TENM2: variants seen among roughly 807,000 people sequenced by gnomAD.
The protein encoded by TENM2 is teneurin transmembrane protein 2, also known as teneurin-2.
A neutral mutation model predicts 245.2 loss-of-function variants in TENM2; 52 were observed. The ratio of observed to expected loss-of-function variants is 0.21; its 90% CI spans 0.17 to 0.27. The LOEUF is 0.27. TENM2 is among the 10% of genes least tolerant of loss of function. The pLI, the probability that TENM2 is intolerant of heterozygous loss-of-function variation, is 1.00. For synonymous variants in TENM2, 1,363 were observed against 1,438.9 expected (o/e 0.95, Z 1.19); for missense variants, 3,046 against 3,666.8 (o/e 0.83, Z 4.37).
At chr5:167,469,777 G>A (rs889756888) in intron 2 of TENM2, among the ~76,000 whole-genome samples, 1 of 151,672 alleles carries the variant, frequency 6.6e-6, no homozygotes, top group African/African-American at 2.4e-5. Flanking sequence ...TTTTTTAGCT[G>A]TGTGTGTTTA....
At chr5:167,737,557 C>G (rs183011649) in intron 2 of TENM2, among the ~76,000 whole-genome samples, 1 of 152,134 alleles carries the variant, frequency 6.6e-6, no homozygotes. Flanking sequence ...AATGTGTACC[C>G]GCTGAGGGTC....
chr5:168,004,203 T>A (rs1206184092), intron 5 of TENM2, among the ~76,000 whole-genome samples: 1 of 152,180 alleles, frequency 6.6e-6, no homozygotes, highest in Middle Eastern at 3.2e-3. Context: ...TGTAAAAAAA[T>A]CTACATAAGG....
At chr5:168,148,932 A>G (rs1218378225) in intron 12 of TENM2, among the ~76,000 whole-genome samples, 1 of 149,026 alleles carries the variant, frequency 6.7e-6, no homozygotes, top group Non-Finnish European at 1.5e-5. Flanking sequence ...GATAGATAGC[A>G]CAAGCTTTTT....
At chr5:167,101,849 T>TTATATATATATATATTTATATA in the TENM2 span, among the ~76,000 whole-genome samples, 1 of 69,454 alleles carries the variant, frequency 1.4e-5, no homozygotes, top group Non-Finnish European at 2.6e-5. Context: ...ATATATATAT[T>TTATATATATATATATTTATATA]TATATATATA....
intron 7 of TENM2, among the ~76,000 whole-genome samples, chr5:168,090,348 G>A (rs1000595986): frequency 1.3e-5 from 2 of 151,990 alleles, no homozygotes; most frequent in Admixed American, 6.6e-5. Flanking sequence ...TTGTGGCCTA[G>A]AGTAATAAAA....
intron 25 of TENM2, among the ~76,000 whole-genome samples, chr5:168,234,965 C>T (rs543174221): frequency 1.3e-5 from 2 of 152,112 alleles, no homozygotes. Context: ...TATGACATTG[C>T]AATTACGTGT....
intron 2 of TENM2, among the ~76,000 whole-genome samples, chr5:167,536,402 A>T (rs539701991): frequency 2.6e-5 from 4 of 152,254 alleles, no homozygotes; most frequent in Non-Finnish European, 5.9e-5. Flanking sequence ...AAAGGGCCAG[A>T]TAGTAAATAT....
intron 12 of TENM2, among the ~76,000 whole-genome samples, chr5:168,131,538 C>A (rs1754579717): frequency 1.3e-5 from 2 of 152,134 alleles, no homozygotes; most frequent in South Asian, 4.2e-4. Context: ...CAAGGTAAAA[C>A]CAGCCGTGCG....
chr5:167,252,882 A>G, the TENM2 span, among the ~76,000 whole-genome samples: 2 of 152,134 alleles, frequency 1.3e-5, no homozygotes, highest in Non-Finnish European at 2.9e-5. Context: ...AATATCATGC[A>G]TATGTTCAGC....
At chr5:167,309,984 A>G (rs1371291728) in intron 1 of TENM2, 1 of 152,238 alleles carries the variant, frequency 6.6e-6, no homozygotes, top group African/African-American at 2.4e-5. Flanking sequence ...AGAAAATAGC[A>G]TCCTGATATT....
chr5:167,477,820 A>C lies in TENM2; in HGVS notation c.502+102347A>C, dbSNP rs553825338. On this transcript the variant is annotated intron_variant, in intron 2 of 28. Transcript: ENST00000518659. ...CAGATAGACAGATAGATAATATATT[A>C]AGATGGAAGGAGGAAAGGAGGGCAA... 2.4e-4 allele frequency among the ~76,000 whole-genome samples: 36 copies of C among 152,306 alleles called. No homozygotes were observed. In the South Asian group the frequency reaches 7.2e-3, roughly 31 times the overall value.
chr5:167,602,288 T>G (rs1407392199), intron 2 of TENM2, among the ~76,000 whole-genome samples: 3 of 152,206 alleles, frequency 2.0e-5, no homozygotes, highest in Admixed American at 6.5e-5. Flanking sequence ...TTTCTGCTCC[T>G]TCCCCTTTCC....
At chr5:167,021,500 A>G in the TENM2 span, among the ~76,000 whole-genome samples, 2 of 152,270 alleles carry the variant, frequency 1.3e-5, no homozygotes, top group African/African-American at 4.8e-5. Context: ...CTGTGAGGCT[A>G]TCCTCTCACC....
intron 2 of TENM2, among the ~76,000 whole-genome samples, chr5:167,787,258 A>G (rs772094715): frequency 6.6e-6 from 1 of 152,194 alleles, no homozygotes; most frequent in Admixed American, 6.5e-5. Flanking sequence ...TAAGTTTTCC[A>G]TACTAATTTT....
the TENM2 span, among the ~76,000 whole-genome samples, chr5:167,127,519 A>T: frequency 5.9e-5 from 9 of 152,054 alleles, no homozygotes; most frequent in Non-Finnish European, 8.8e-5. Context: ...ATTAAAACAT[A>T]ACCTTAAAAT....
At chr5:167,971,161 G>T (rs758925033) in intron 4 of TENM2, among the ~76,000 whole-genome samples, 4 of 151,952 alleles carry the variant, frequency 2.6e-5, no homozygotes, top group Non-Finnish European at 5.9e-5. Context: ...CAGGCAGAAA[G>T]GGAGAGACAG....
chr5:167,792,572 G>A (rs1378922007), intron 2 of TENM2, among the ~76,000 whole-genome samples: 2 of 151,980 alleles, frequency 1.3e-5, no homozygotes, highest in Admixed American at 6.6e-5. Flanking sequence ...GACTATAATA[G>A]CTCCTCGGGA....
rs372756351 is a variant in TENM2 at position 168,247,153 on chromosome 5, G to C, written c.6214G>C (p.Val2072Leu). Residue 2072 changes from valine to leucine, a missense_variant, in exon 27 of 29, where the codon GTG becomes CTG. Coordinates refer to ENST00000518659, the Ensembl canonical transcript of TENM2. This position sits in a 1 kb window ranked among gnomAD's most constrained non-coding sequence, Gnocchi z 7.8. ...CAGGTACCGGAAGATTGGCCCCCTG[G>C]TGGACAAGCAGATCTACAGGTTCTC... 5.4e-5 allele frequency: 87 copies of C among 1,613,866 alleles called. No homozygotes were observed. The African/African-American group carries it at 8.8e-4, about 16-fold the overall frequency.
At chr5:167,874,209 A>T (rs1773227279) in intron 2 of TENM2, among the ~76,000 whole-genome samples, 1 of 152,132 alleles carries the variant, frequency 6.6e-6, no homozygotes, top group Non-Finnish European at 1.5e-5. Flanking sequence ...GCTTTTTATC[A>T]TGTGGCACTG....
Sources: gnomAD v4.1 joint callset for allele counts (sites outside exome capture counted in the v4.1 genomes callset) on GRCh38, gnomAD v4.1.1 for gene constraint, Gnocchi (gnomAD v3.1) non-coding constraint, MANE v1.5 for transcripts, NCBI Gene and HGNC (gene_info 2026-07-23, HGNC 2026-07-21) for gene names.